Variants in RUNX3 observed in about 807,000 individuals in gnomAD.
The protein encoded by RUNX3 is RUNX family transcription factor 3.
RUNX3 carries 10 observed loss-of-function variants against 27.7 expected under a neutral mutation model. That is an observed-to-expected ratio of 0.36 (90% CI 0.22 to 0.61). RUNX3 has a LOEUF of 0.61. Among genes scored for constraint, RUNX3 ranks in the 20% least tolerant of loss-of-function variants. The pLI, the probability that RUNX3 is intolerant of heterozygous loss-of-function variation, is 0.72. For synonymous variants in RUNX3, 270 were observed against 269.2 expected (o/e 1.00, Z -0.03); for missense variants, 469 against 629.5 (o/e 0.75, Z 2.73).
At chr1:24,911,086 C>T (rs1400078546) in intron 3 of RUNX3, among the ~76,000 whole-genome samples, 1 of 152,214 alleles carries the variant, frequency 6.6e-6, no homozygotes, top group African/African-American at 2.4e-5. Flanking sequence ...GTCCTTGCTC[C>T]TGAGGCCACT....
chr1:24,921,819 T>C (rs1461461130), intron 2 of RUNX3, among the ~76,000 whole-genome samples: 1 of 152,194 alleles, frequency 6.6e-6, no homozygotes, highest in Admixed American at 6.5e-5. Flanking sequence ...GGAGGACTAA[T>C]GGGTCCCAGT....
intron 2 of RUNX3, among the ~76,000 whole-genome samples, chr1:24,960,669 AG>A (rs1447868733): frequency 1.7e-4 from 26 of 151,260 alleles, no homozygotes; most frequent in Admixed American, 5.9e-4. Context: ...ACCTGGTGTG[AG>A]GGGGGGGTGC....
intron 2 of RUNX3, among the ~76,000 whole-genome samples, chr1:24,939,725 T>C (rs1294095673): frequency 6.6e-6 from 1 of 152,222 alleles, no homozygotes; most frequent in Non-Finnish European, 1.5e-5. Context: ...CCCCAGCATC[T>C]GAGTTTAACC....
chr1:24,945,057 T>C (rs2124346096), intron 2 of RUNX3, among the ~76,000 whole-genome samples: 1 of 152,364 alleles, frequency 6.6e-6, no homozygotes, highest in African/African-American at 2.4e-5. Flanking sequence ...CTCTTTTCTC[T>C]CACAGAAGGT....
chr1:24,946,571 A>AT (rs1186313881), intron 2 of RUNX3, among the ~76,000 whole-genome samples: 2 of 152,108 alleles, frequency 1.3e-5, no homozygotes, highest in Non-Finnish European at 2.9e-5. Flanking sequence ...TGGAAAGCCC[A>AT]TTCCCCCCCT....
chr1:24,901,759 G>A lies in RUNX3; in HGVS notation c.*363C>T, dbSNP rs1187857823. 4.3e-6 allele frequency: 1 copy of A among 232,796 alleles called. No homozygotes were observed. Among genetic ancestry groups the A allele is most frequent in the Non-Finnish European group, 8.4e-6 (1 of 119,238 alleles). 14.4% of individuals were successfully genotyped at this position (232,796 alleles called of 1,614,324 possible). ...GGGCCAATGCTGCCTCTCTCTGGAA[G>A]AGAGATGGCCTCTGTCCCAGGAGAC... On this transcript the variant is annotated 3_prime_UTR_variant, in exon 5 of 5. Coordinates refer to ENST00000308873, the MANE Select transcript of RUNX3 (RefSeq NM_004350.3).
At chr1:24,915,569 G>T (rs970296149) in intron 3 of RUNX3, among the ~76,000 whole-genome samples, 1 of 152,330 alleles carries the variant, frequency 6.6e-6, no homozygotes, top group South Asian at 2.1e-4. Context: ...GAGGAAGGCT[G>T]TGTGTGTGCC....
intron 2 of RUNX3, among the ~76,000 whole-genome samples, chr1:24,922,434 C>T (rs1005543932): frequency 6.6e-6 from 1 of 152,118 alleles, no homozygotes; most frequent in African/African-American, 2.4e-5. Flanking sequence ...CTCTCAAGTA[C>T]GAGCGTAGGC....
intron 2 of RUNX3, among the ~76,000 whole-genome samples, chr1:24,921,636 C>T (rs941746712): frequency 9.2e-5 from 14 of 152,218 alleles, no homozygotes; most frequent in African/African-American, 3.4e-4. Context: ...CTCCTACTGC[C>T]TTTCCTCACT....
intron 3 of RUNX3, among the ~76,000 whole-genome samples, chr1:24,908,148 C>CT (rs1557837266): frequency 1.8e-4 from 23 of 125,408 alleles, no homozygotes; most frequent in African/African-American, 8.3e-4. Context: ...CGCGGTGATC[C>CT]GAACCTCTAC....
chr1:24,932,277 G>A (rs1177018178), upstream of RUNX3, among the ~76,000 whole-genome samples: 5 of 151,276 alleles, frequency 3.3e-5, no homozygotes, highest in Admixed American at 2.6e-4. Context: ...CCGGCTCTCC[G>A]TAGGGCGCTG....
chr1:24,964,281 C>T (rs891886357), intron 2 of RUNX3, among the ~76,000 whole-genome samples: 4 of 152,204 alleles, frequency 2.6e-5, no homozygotes, highest in African/African-American at 7.2e-5. Flanking sequence ...GAGTATCCAT[C>T]GCCCCCACGG....
rs1640501055 is a variant in RUNX3, at chr1:24,899,829, G to A, written c.*2293C>T. On this transcript the variant is annotated 3_prime_UTR_variant, in exon 5 of 5. Transcript: ENST00000308873. Reference sequence around the variant, plus strand: ...CTTTCCTCGTGCTTCCTACATCAGTGTGTTTGCCTAGTACAACTTTAACGC... The same window carrying A: ...CTTTCCTCGTGCTTCCTACATCAGTATGTTTGCCTAGTACAACTTTAACGC... The A allele has an allele frequency of 6.6e-6, 1 of 152,424 alleles. No homozygotes were observed. Among genetic ancestry groups the A allele is most frequent in the African/African-American group, 2.4e-5 (1 of 41,438 alleles). 9.4% of individuals were successfully genotyped at this position (152,424 alleles called of 1,614,324 possible). A position where few individuals can be genotyped will look rare whatever the true frequency, so the allele number is the denominator to read the frequency against.
chr1:24,912,932 A>G (rs1640823128), intron 3 of RUNX3, among the ~76,000 whole-genome samples: 3 of 152,034 alleles, frequency 2.0e-5, no homozygotes, highest in Admixed American at 2.0e-4. Flanking sequence ...GCCCAGGAGG[A>G]TAGGACTTGG....
chr1:24,902,302 T>C lies in RUNX3; in HGVS notation c.1068A>G (p.Ser356=), dbSNP rs2124236606. The change falls in exon 5 of 5, where the codon TCA becomes TCG. Residue 356 remains serine (S), a synonymous_variant. Coordinates refer to ENST00000308873, the MANE Select transcript of RUNX3 (RefSeq NM_004350.3). The surrounding 1 kb of genome is among the most constrained non-coding windows in gnomAD (Gnocchi z 9.2). ...VAGSSSGGDR[S]PTRMLASCTS... ...TGCAAGAGGCCAGCATGCGGGTAGG[T>C]GAGCGGTCGCCCCCACTGCTGCTGC... is the stretch of plus-strand genomic sequence containing the variant. The C allele has an allele frequency of 6.9e-6, 11 of 1,604,230 alleles. No individual in the cohort carries two copies. Among genetic ancestry groups the C allele is most frequent in the Non-Finnish European group, 9.3e-6 (11 of 1,177,122 alleles).
At chr1:24,933,354 C>G (rs548425550), upstream of RUNX3, among the ~76,000 whole-genome samples, 16 of 152,308 alleles carry the variant, frequency 1.1e-4, no homozygotes, top group South Asian at 2.9e-3. Flanking sequence ...GTGTAAAGTG[C>G]TTAGCACAGG....
At chr1:24,928,395 T>C (rs1314446375) in intron 1 of RUNX3, among the ~76,000 whole-genome samples, 1 of 151,928 alleles carries the variant, frequency 6.6e-6, no homozygotes, top group Admixed American at 6.6e-5. Flanking sequence ...GGTGGCGATG[T>C]CCCCCTAAAC....
chr1:24,908,293 T>G lies in RUNX3; in HGVS notation c.545-876A>C, dbSNP rs544956432. On this transcript the variant is annotated intron_variant, in intron 3 of 4. Transcript: ENST00000308873. ...TGATCCAAACCTCTACGACATGTGG[T>G]GATCCAAACCTCTACGACACACGGT... Among the ~76,000 whole-genome samples the G allele has an allele frequency of 5.9e-5, 9 of 151,742 alleles. No homozygotes were observed. The South Asian group carries it at 1.9e-3, about 32-fold the overall frequency.
intron 1 of RUNX3, among the ~76,000 whole-genome samples, chr1:24,928,421 TC>T (rs756256745): frequency 1.3e-5 from 2 of 151,310 alleles, no homozygotes; most frequent in South Asian, 4.2e-4. Flanking sequence ...CTCCCCCAAA[TC>T]CCCCACCCCC....
Sources: gnomAD v4.1 joint callset for allele counts (sites outside exome capture counted in the v4.1 genomes callset) on GRCh38, gnomAD v4.1.1 for gene constraint, Gnocchi (gnomAD v3.1) non-coding constraint, MANE v1.5 for transcripts, NCBI Gene and HGNC (gene_info 2026-07-23, HGNC 2026-07-21) for gene names.